The following SNAPC2 variants were observed in gnomAD, a reference collection of about 807,000 sequenced individuals.
SNAPC2 encodes small nuclear RNA activating complex polypeptide 2.
SNAPC2 carries 27 observed loss-of-function variants against 22.9 expected under a neutral mutation model. The observed-to-expected ratio is 1.18, with a 90% CI of 0.87 to 1.63. SNAPC2 has a LOEUF of 1.63. SNAPC2 is among the 40% of genes most tolerant of loss of function. The probability of loss-of-function intolerance (pLI) is 0.00; values close to 1 mark genes in which losing one functional copy is unlikely to be tolerated. For missense variants in SNAPC2, 570 were observed against 449.1 expected (o/e 1.27, Z -2.43); for synonymous variants, 272 against 201.0 (o/e 1.35, Z -2.99).
Position 7,922,640 on chromosome 19 carries a change from C to G in SNAPC2, c.881C>G (p.Pro294Arg), listed in dbSNP as rs753828574. ...TCCAAGGCACCAGAGGAGACCCCCC[C>G]AGCCACCGAGAAGGCCGAGCACAGC... is the stretch of plus-strand genomic sequence containing the variant. The part of the protein sequence containing the change: ...AGSKAPEETP[P>R]ATEKAEHSEL... The change falls in exon 5 of 5, where the codon CCA (proline) becomes CGA (arginine). Residue 294 changes from proline to arginine, a missense_variant. Pro to Arg is a moderately radical substitution (Grantham distance 103). Transcript: ENST00000221573. 6 of 1,613,514 alleles carry G rather than the reference C, an allele frequency of 3.7e-6. No homozygotes were observed. The highest frequency in any genetic ancestry group is 4.5e-5 in the East Asian group (2 of 44,870).
chr19:7,921,643 G>A, intron 2 of SNAPC2, 62 bp from the exon 3 acceptor site: 1 of 1,607,704 alleles, frequency 6.2e-7, no homozygotes, highest in Non-Finnish European at 8.5e-7. Flanking sequence ...AGGAGGAGCA[G>A]GGCTTGGGGG....
rs758382396 is a variant in SNAPC2 at position 7,920,359 on chromosome 19, T to C, written c.-8T>C. On this transcript the variant is annotated 5_prime_UTR_variant, in exon 1 of 5. Coordinates refer to ENST00000221573, the MANE Select transcript of SNAPC2 (RefSeq NM_003083.4). ...CGACCTTACAGCGCCTGCCTCTTTC[T>C]GAGCGGCATGAAGCCACCTCCCAGG... The C allele has an allele frequency of 6.4e-7, 1 of 1,566,352 alleles. No individual in the cohort carries two copies. Among genetic ancestry groups the C allele is most frequent in the Admixed American group, 1.8e-5 (1 of 56,342 alleles).
chr19:7,921,072 G>A (rs2145161444), intron 1 of SNAPC2: 3 of 1,186,704 alleles, frequency 2.5e-6, no homozygotes, highest in African/African-American at 1.6e-5. Context: ...ATGCTGCCGA[G>A]TCCGGGCGAA....
chr19:7,922,337 C>A lies in SNAPC2; in HGVS notation c.675C>A (p.Leu225=). Residue 225 remains leucine (L), a synonymous_variant, in exon 4 of 5, where the codon CTC becomes CTA. Transcript: ENST00000221573. The stretch of plus-strand genomic sequence containing the variant: ...CCCGAAGTGGCCGCAGCCCCGAGCT[C>A]TCAGCAGCTGGTGAGAAGGGTGAGG... ...SVSRSGRSPE[L]SAAESAVVLD... 1 of 1,613,198 alleles carries A rather than the reference C, an allele frequency of 6.2e-7. No homozygotes were observed. Among genetic ancestry groups the A allele is most frequent in the Non-Finnish European group, 8.5e-7 (1 of 1,179,536 alleles).
At position 7,922,919 on chromosome 19, in the gene SNAPC2, G is replaced by A. The variant is rs1331720165; in HGVS notation, c.*155G>A. ...GGGCCTCTAAGATGCCCCATACTTT[G>A]GGGGTCTCAGAAATGGAACCCCCGT... On this transcript the variant is annotated 3_prime_UTR_variant, in exon 5 of 5. Transcript: ENST00000221573. 2.3e-5 allele frequency: 14 copies of A among 605,204 alleles called. No homozygotes were observed. The highest frequency in any genetic ancestry group is 4.4e-4 in the Middle Eastern group (1 of 2,284). 37.5% of individuals were successfully genotyped at this position (605,204 alleles called of 1,614,324 possible). A position where few individuals can be genotyped will look rare whatever the true frequency, so the allele number is the denominator to read the frequency against.
chr19:7,920,525 G>A lies in SNAPC2; in HGVS notation c.159G>A (p.Glu53=), dbSNP rs953281812. 29 of 1,448,572 alleles carry A rather than the reference G, an allele frequency of 2.0e-5. No homozygotes were observed. In the African/African-American group the frequency reaches 3.6e-4, roughly 18 times the overall value. The allele number at this position is 1,448,572 out of a possible 1,614,324, so 89.7% of individuals were successfully genotyped here. ...CGGACGCCACCGAGCTGGCCCGGGA[G>A]CTGCGGGGCCGGAGCGAGGCTGAGG... ...PEPDATELAR[E]LRGRSEAEIR... Residue 53 remains glutamate (E), a synonymous_variant, in exon 1 of 5, where the codon GAG becomes GAA. Transcript: ENST00000221573.
In SNAPC2 at chr19:7,922,554, C is replaced by G; in HGVS notation, c.795C>G (p.Ala265=). 6.8e-6 allele frequency: 11 copies of G among 1,613,330 alleles called. No homozygotes were observed. Among genetic ancestry groups the G allele is most frequent in the Admixed American group, 1.7e-5 (1 of 59,978 alleles). ...CGGAGACGTACCTACGCCTGACAGCCCCCCAGCCCATTCCCGCTGGAGGGA... is the reference window on the plus strand; with the variant it reads ...CGGAGACGTACCTACGCCTGACAGCGCCCCAGCCCATTCCCGCTGGAGGGA... The part of the protein sequence containing the change: ...HMTETYLRLT[A]PQPIPAGGSL... Residue 265 remains alanine (A), a synonymous_variant, in exon 5 of 5, where the codon GCC becomes GCG. Transcript: ENST00000221573.
chr19:7,920,465 G>A lies in SNAPC2; in HGVS notation c.99G>A (p.Val33=), dbSNP rs747713131. 2.6e-6 allele frequency: 4 copies of A among 1,540,656 alleles called. No homozygotes were observed. The Admixed American group carries it at 5.7e-5, about 22-fold the overall frequency. ...GCGCTCGCGAGAAGCGGCAGCTAGT[G>A]CGACTCCTGCAGGCGCGGCAGGGCC... ...TWSAREKRQL[V]RLLQARQGQP... The change falls in exon 1 of 5, where the codon GTG becomes GTA. Residue 33 remains valine, a synonymous_variant. Transcript: ENST00000221573.
At chr19:7,921,906 C>T in intron 3 of SNAPC2, 129 bp from the exon 4 acceptor site, 2 of 1,363,272 alleles carry the variant, frequency 1.5e-6, no homozygotes, top group Non-Finnish European at 2.0e-6. Flanking sequence ...CCTCGAGCCT[C>T]AGTGTCCCTG....
intron 1 of SNAPC2, 21 bp from the exon 2 acceptor site, chr19:7,921,402 C>A: frequency 6.2e-7 from 1 of 1,613,734 alleles, no homozygotes; most frequent in Non-Finnish European, 8.5e-7. Flanking sequence ...AGCCTCATTC[C>A]GCCGCCTCTT....
rs1983608508 is a variant in SNAPC2 at position 7,922,308 on chromosome 19, G to C, written c.646G>C (p.Val216Leu). Residue 216 changes from valine to leucine, a missense_variant, in exon 4 of 5, where the codon GTC becomes CTC. By Grantham distance (32) the Val-to-Leu change is conservative. Transcript: ENST00000221573. ...GAAGATCTACAAGTACTTGTCCTCT[G>C]TCTCCCGAAGTGGCCGCAGCCCCGA... ...FEKIYKYLSS[V>L]SRSGRSPELS... 1 of 1,613,740 alleles carries C rather than the reference G, an allele frequency of 6.2e-7. No individual in the cohort carries two copies. The highest frequency in any genetic ancestry group is 1.3e-5 in the African/African-American group (1 of 74,912).
At chr19:7,921,208 C>G (rs1983559041) in intron 1 of SNAPC2, 11 of 1,413,004 alleles carry the variant, frequency 7.8e-6, no homozygotes, top group Non-Finnish European at 1.0e-5. Context: ...CGTGAAGGAG[C>G]CGGAACTGGC....
At position 7,922,917 on chromosome 19, in the gene SNAPC2, T is replaced by G. The variant is rs1983641388; in HGVS notation, c.*153T>G. ...GCGGGCCTCTAAGATGCCCCATACT[T>G]TGGGGGTCTCAGAAATGGAACCCCC... On this transcript the variant is annotated 3_prime_UTR_variant, in exon 5 of 5. Transcript: ENST00000221573. 4.9e-6 allele frequency: 3 copies of G among 607,582 alleles called. No individual in the cohort carries two copies. The highest frequency in any genetic ancestry group is 8.4e-6 in the Non-Finnish European group (3 of 358,406). The allele number at this position is 607,582 out of a possible 1,614,324, so 37.6% of individuals were successfully genotyped here. A position where few individuals can be genotyped will look rare whatever the true frequency, so the allele number is the denominator to read the frequency against.
intron 3 of SNAPC2, 78 bp from the exon 4 acceptor site, chr19:7,921,957 G>A (rs1202729501): frequency 1.3e-6 from 2 of 1,486,222 alleles, no homozygotes; most frequent in Non-Finnish European, 1.8e-6. Flanking sequence ...TCTTAGGGTG[G>A]CAGGGAGGAT....
chr19:7,921,477 A>G lies in SNAPC2; in HGVS notation c.238A>G (p.Lys80Glu). 6.2e-7 allele frequency: 1 copy of G among 1,613,872 alleles called. No individual in the cohort carries two copies. ...CCGCGTAGCCCGGGAGGCCATTCAG[A>G]AAGTGCATCCGGGTGGCCTTCAGGG... ...KGRVAREAIQ[K>E]VHPGGLQGPR... Residue 80 changes from lysine to glutamate, a missense_variant, in exon 2 of 5, where the codon AAA becomes GAA. Physicochemically the swap from Lys to Glu is moderately conservative, Grantham distance 56 (BLOSUM62 1). Transcript: ENST00000221573.
chr19:7,921,904 C>A, intron 3 of SNAPC2, 131 bp downstream of exon 3: 2 of 1,367,962 alleles, frequency 1.5e-6, no homozygotes, highest in Admixed American at 1.8e-5. Context: ...CACCTCGAGC[C>A]TCAGTGTCCC....
intron 1 of SNAPC2, chr19:7,920,859 G>C: frequency 2.4e-6 from 2 of 835,532 alleles, no homozygotes; most frequent in Non-Finnish European, 3.2e-6. Context: ...TTTGGAGAGT[G>C]GGTGGGTGAG....
Position 7,921,722 on chromosome 19 carries a change from T to C in SNAPC2, c.321T>C (p.Ala107=). Residue 107 remains alanine, a synonymous_variant, in exon 3 of 5, where the codon GCT becomes GCC. Transcript: ENST00000221573. ...TCACTCAGGTCTGGACGGATCTGGC[T>C]GAGAAGATAACAGGGCCACTGGAAG... ...PAPIEVWTDL[A]EKITGPLEEA... 6.2e-7 allele frequency: 1 copy of C among 1,613,728 alleles called. No homozygotes were observed. The highest frequency in any genetic ancestry group is 1.1e-5 in the South Asian group (1 of 90,958).
intron 1 of SNAPC2, chr19:7,920,978 G>T: frequency 8.8e-7 from 1 of 1,130,592 alleles, no homozygotes; most frequent in Non-Finnish European, 1.1e-6. Flanking sequence ...GGCGGGATGA[G>T]GGCAAGCTTT....
Sources: gnomAD v4.1 joint callset for allele counts on GRCh38, gnomAD v4.1.1 for gene constraint, MANE v1.5 for transcripts, NCBI Gene and HGNC (gene_info 2026-07-23, HGNC 2026-07-21) for gene names.